SRRM2: variants seen among roughly 807,000 people sequenced by gnomAD.
SRRM2 encodes the protein serine/arginine repetitive matrix 2, also known as serine/arginine repetitive matrix protein 2.
SRRM2 carries 30 observed loss-of-function variants against 213.8 expected under a neutral mutation model. That is an observed-to-expected ratio of 0.14 (90% CI 0.10 to 0.19). SRRM2 has a LOEUF of 0.19. Ranked by LOEUF, SRRM2 falls within the 10% of genes least tolerant of loss-of-function variation. The pLI is 1.00. For missense variants in SRRM2, 4,904 were observed against 3,647.0 expected (o/e 1.34, Z -8.88); for synonymous variants, 2,025 against 1,377.7 (o/e 1.47, Z -10.40).
At position 2,769,242 on chromosome 16, in the gene SRRM2, C is replaced by T; in HGVS notation, c.7979C>T (p.Pro2660Leu). The T allele has an allele frequency of 6.3e-7, 1 of 1,579,964 alleles. No individual in the cohort carries two copies. Among genetic ancestry groups the T allele is most frequent in the South Asian group, 1.2e-5 (1 of 83,974 alleles). ...SPAKPGPQAL[P>L]KPASPKKPPP... ...GCTAAGCCTGGCCCTCAGGCCTTGC[C>T]CAAACCTGCAAGCCCCAAGAAGCCA... Residue 2660 changes from proline to leucine, a missense_variant, in exon 12 of 15, where the codon CCC (proline) becomes CTC (leucine). Coordinates refer to ENST00000301740, the MANE Select transcript of SRRM2 (RefSeq NM_016333.4).
At position 2,764,588 on chromosome 16, in the gene SRRM2, G is replaced by A. The variant is rs2068474736; in HGVS notation, c.4060G>A (p.Asp1354Asn). The change falls in exon 11 of 15, where the codon GAT (aspartate) becomes AAT (asparagine). Residue 1354 changes from aspartate to asparagine, a missense_variant. Transcript: ENST00000301740. Reference protein sequence around the residue: ...NTGFSSEVKEDLNGPFLNQLE... With the variant: ...NTGFSSEVKENLNGPFLNQLE... ...TGGATTTTCTTCTGAGGTTAAAGAA[G>A]ATTTGAATGGACCGTTTCTTAATCA... 2.5e-6 allele frequency: 4 copies of A among 1,614,208 alleles called. No individual in the cohort carries two copies. The East Asian group carries it at 6.7e-5, about 27-fold the overall frequency.
At chr16:2,769,476 G>A in intron 12 of SRRM2, 192 bp downstream of exon 12, 1 of 674,452 alleles carries the variant, frequency 1.5e-6, no homozygotes, top group Non-Finnish European at 2.5e-6. Context: ...GCCATCCACA[G>A]CGGCGCTCAG....
Position 2,763,602 on chromosome 16 carries a change from T to C in SRRM2, c.3074T>C (p.Leu1025Pro), listed in dbSNP as rs2068439591. The C allele has an allele frequency of 5.0e-6, 8 of 1,614,126 alleles. No homozygotes were observed. The highest frequency in any genetic ancestry group is 1.6e-4 in the Middle Eastern group (1 of 6,062). Residue 1025 changes from leucine to proline, a missense_variant, in exon 11 of 15, where the codon CTA (leucine) becomes CCA (proline). Physicochemically the swap from Leu to Pro is moderately conservative, Grantham distance 98 (BLOSUM62 -3). Transcript: ENST00000301740. ...PCPQEKSKDSLVQSCPGSLSL... is the reference protein window; with the variant it reads ...PCPQEKSKDSPVQSCPGSLSL... ...CCCCAAGAGAAGTCTAAAGACTCAC[T>C]AGTTCAAAGTTGCCCTGGATCCCTC...
In SRRM2 at chr16:2,761,566, T is replaced by G. The variant is rs751307287; in HGVS notation, c.1038T>G (p.Ser346=). The change falls in exon 11 of 15, where the codon TCT becomes TCG. Residue 346 remains serine (S), a synonymous_variant. Transcript: ENST00000301740. ...EDKDKDKKEK[S]ATRPSPSPER... The stretch of plus-strand genomic sequence containing the variant: ...GCTCTCTCTTCCACTCTTAGAAATC[T>G]GCAACTCGACCTAGCCCCTCTCCGG... The G allele has an allele frequency of 3.3e-6, 5 of 1,503,502 alleles. No individual in the cohort carries two copies. In the South Asian group the frequency reaches 5.5e-5, roughly 17 times the overall value. 93.1% of individuals were successfully genotyped at this position (1,503,502 alleles called of 1,614,324 possible).
Position 2,760,459 on chromosome 16 carries a change from C to G in SRRM2, c.992C>G (p.Pro331Arg), listed in dbSNP as rs768028307. 5 of 1,614,052 alleles carry G rather than the reference C, an allele frequency of 3.1e-6. No homozygotes were observed. The highest frequency in any genetic ancestry group is 4.2e-6 in the Non-Finnish European group (5 of 1,180,038). The change falls in exon 10 of 15, where the codon CCT (proline) becomes CGT (arginine). Residue 331 changes from proline to arginine, a missense_variant. Transcript: ENST00000301740. ...AGCCCGGAGACTGCTACGAAACAGC[C>G]TAGCAGCCCTTATGAAGACAAAGAT... Reference protein sequence around the residue: ...PSSPETATKQPSSPYEDKDKD... With the variant: ...PSSPETATKQRSSPYEDKDKD...
intron 8 of SRRM2, 76 bp downstream of exon 8, chr16:2,759,478 G>A: frequency 2.5e-6 from 4 of 1,599,092 alleles, no homozygotes; most frequent in Non-Finnish European, 3.4e-6. Flanking sequence ...AATGAGTTAT[G>A]TCCCTGACTG....
rs1401334232 is a variant in SRRM2, at chr16:2,763,055, A to G, written c.2527A>G (p.Lys843Glu). 3 of 1,613,964 alleles carry G rather than the reference A, an allele frequency of 1.9e-6. No individual in the cohort carries two copies. Among genetic ancestry groups the G allele is most frequent in the African/African-American group, 1.3e-5 (1 of 74,874 alleles). Residue 843 changes from lysine (K) to glutamate (E), a missense_variant, in exon 11 of 15, where the codon AAA (lysine) becomes GAA (glutamate). Transcript: ENST00000301740. ...QSHSSSSPHPKVKSGTPPRQG... is the reference protein window; with the variant it reads ...QSHSSSSPHPEVKSGTPPRQG... Reference sequence around the variant, plus strand: ...TCATTCCAGTTCATCTCCTCATCCTAAAGTGAAATCTGGAACACCACCGAG... The same window carrying G: ...TCATTCCAGTTCATCTCCTCATCCTGAAGTGAAATCTGGAACACCACCGAG...
At chr16:2,759,237 G>A in intron 7 of SRRM2, 65 bp downstream of exon 7, 1 of 1,604,612 alleles carries the variant, frequency 6.2e-7, no homozygotes. Context: ...TTTTCTTGGA[G>A]TGAAGCTCAA....
At position 2,768,066 on chromosome 16, in the gene SRRM2, C is replaced by T. The variant is rs372007831; in HGVS notation, c.7538C>T (p.Thr2513Ile). Residue 2513 changes from threonine to isoleucine, a missense_variant, in exon 11 of 15, where the codon ACT becomes ATT. Physicochemically the swap from Thr to Ile is moderately conservative, Grantham distance 89. Coordinates refer to ENST00000301740, the MANE Select transcript of SRRM2 (RefSeq NM_016333.4). Reference protein sequence around the residue: ...HSDVGEPPASTGAQQPSALAA... With the variant: ...HSDVGEPPASIGAQQPSALAA... ...GATGTGGGGGAGCCACCTGCCTCTACTGGGGCCCAGCAGCCTTCTGCATTA... is the reference window on the plus strand; with the variant it reads ...GATGTGGGGGAGCCACCTGCCTCTATTGGGGCCCAGCAGCCTTCTGCATTA... 1.2e-6 allele frequency: 2 copies of T among 1,614,166 alleles called. No homozygotes were observed. Among genetic ancestry groups the T allele is most frequent in the African/African-American group, 1.3e-5 (1 of 75,054 alleles).
intron 10 of SRRM2, 90 bp downstream of exon 10, chr16:2,760,589 TTAAAA>T: frequency 7.1e-7 from 1 of 1,417,892 alleles, no homozygotes; most frequent in Non-Finnish European, 9.6e-7. Flanking sequence ...TAATAACTTA[TTAAAA>T]TAAATAAATT....
Position 2,767,392 on chromosome 16 carries a change from C to T in SRRM2, c.6864C>T (p.Arg2288=), listed in dbSNP as rs759555104. 4 of 1,613,856 alleles carry T rather than the reference C, an allele frequency of 2.5e-6. No individual in the cohort carries two copies. Among genetic ancestry groups the T allele is most frequent in the Non-Finnish European group, 3.4e-6 (4 of 1,180,040 alleles). ...APSAVNLADP[R]TPTAPAVNLA... is the part of the protein sequence containing the mutation. ...CGGCTGTGAACCTGGCTGACCCTCG[C>T]ACTCCCACAGCCCCAGCTGTGAACC... is the stretch of plus-strand genomic sequence containing the variant. The change falls in exon 11 of 15, where the codon CGC becomes CGT. Residue 2288 remains arginine (R), a synonymous_variant. Transcript: ENST00000301740.
Position 2,763,550 on chromosome 16 carries a change from A to G in SRRM2, c.3022A>G (p.Ser1008Gly). 1.2e-6 allele frequency: 2 copies of G among 1,614,184 alleles called. No homozygotes were observed. The highest frequency in any genetic ancestry group is 1.7e-6 in the Non-Finnish European group (2 of 1,180,034). The change falls in exon 11 of 15, where the codon AGT (serine) becomes GGT (glycine). Residue 1008 changes from serine (S) to glycine (G), a missense_variant. Ser to Gly is a moderately conservative substitution (Grantham distance 56). Coordinates refer to ENST00000301740, the MANE Select transcript of SRRM2 (RefSeq NM_016333.4). ...KVKAQTPPGPSLSGSKSPCPQ... is the reference protein window; with the variant it reads ...KVKAQTPPGPGLSGSKSPCPQ... Reference sequence around the variant, plus strand: ...AAAGGCCCAAACTCCACCGGGGCCAAGTCTTTCTGGATCAAAGTCACCATG... The same window carrying G: ...AAAGGCCCAAACTCCACCGGGGCCAGGTCTTTCTGGATCAAAGTCACCATG...
chr16:2,763,338 G>A lies in SRRM2; in HGVS notation c.2810G>A (p.Ser937Asn), dbSNP rs1296885281. 6.2e-7 allele frequency: 1 copy of A among 1,614,132 alleles called. No individual in the cohort carries two copies. Among genetic ancestry groups the A allele is most frequent in the Non-Finnish European group, 8.5e-7 (1 of 1,180,028 alleles). The stretch of plus-strand genomic sequence containing the variant: ...AGCCATTCTGGCTCCTCTTCTCCAA[G>A]TCCTAGTAGGGTGACGTCGAGAACA... ...QRSHSGSSSP[S>N]PSRVTSRTTP... Residue 937 changes from serine (S) to asparagine (N), a missense_variant, in exon 11 of 15, where the codon AGT becomes AAT. Physicochemically the swap from Ser to Asn is conservative, Grantham distance 46 (BLOSUM62 1). Coordinates refer to ENST00000301740, the MANE Select transcript of SRRM2 (RefSeq NM_016333.4).
intron 12 of SRRM2, chr16:2,770,133 T>G (rs1423074692): frequency 7.0e-7 from 1 of 1,423,658 alleles, no homozygotes; most frequent in Non-Finnish European, 9.2e-7. Flanking sequence ...GGGCAGGGAC[T>G]GTCTTTATCT....
chr16:2,768,774 C>T (rs1372560174), intron 11 of SRRM2: 3 of 841,940 alleles, frequency 3.6e-6, no homozygotes, highest in Admixed American at 2.0e-5. Flanking sequence ...TGAGGTTTAA[C>T]CTTGATCCCT....
chr16:2,765,782 C>G lies in SRRM2; in HGVS notation c.5254C>G (p.Arg1752Gly), dbSNP rs375479934. ...SRRRRSASSP[R>G]TKTTSRRGRS... ...CCGACGGCGCTCAGCTTCATCTCCA[C>G]GCACTAAGACAACCTCAAGGAGAGG... The change falls in exon 11 of 15, where the codon CGC becomes GGC. Residue 1752 changes from arginine (R) to glycine (G), a missense_variant. Physicochemically the swap from Arg to Gly is moderately radical, Grantham distance 125. Transcript: ENST00000301740. 3 of 1,613,992 alleles carry G rather than the reference C, an allele frequency of 1.9e-6. No individual in the cohort carries two copies. Among genetic ancestry groups the G allele is most frequent in the Non-Finnish European group, 2.5e-6 (3 of 1,180,048 alleles).
At position 2,764,947 on chromosome 16, in the gene SRRM2, A is replaced by G. The variant is rs2068487750; in HGVS notation, c.4419A>G (p.Pro1473=). The part of the protein sequence containing the change: ...SPGMKDIPRT[P]SRGRSECDSS... ...GAATGAAAGATATACCTAGAACGCC[A>G]TCTAGAGGGAGAAGCGAATGTGATT... Residue 1473 remains proline (P), a synonymous_variant, in exon 11 of 15, where the codon CCA becomes CCG. Transcript: ENST00000301740. The G allele has an allele frequency of 6.2e-7, 1 of 1,614,178 alleles. No individual in the cohort carries two copies.
chr16:2,760,115 T>C (rs2068286533), intron 9 of SRRM2, 186 bp from the exon 10 acceptor site: 1 of 641,894 alleles, frequency 1.6e-6, no homozygotes, highest in Non-Finnish European at 2.7e-6. Flanking sequence ...GGGATTGTGT[T>C]GGGAAAAGAA....
chr16:2,753,763 G>GT (rs2068033653), intron 1 of SRRM2: 1 of 152,178 alleles, frequency 6.6e-6, no homozygotes, highest in Non-Finnish European at 1.5e-5. Context: ...CATCCTAAGT[G>GT]CGTGGGCTTA....
Sources: gnomAD v4.1 joint callset for allele counts on GRCh38, gnomAD v4.1.1 for gene constraint, MANE v1.5 for transcripts, NCBI Gene and HGNC (gene_info 2026-07-23, HGNC 2026-07-21) for gene names.